The following EPG5 variants were observed in gnomAD, a reference collection of about 807,000 sequenced individuals.
The protein encoded by EPG5 is ectopic P-granules 5 autophagy tethering factor.
A neutral mutation model predicts 302.7 loss-of-function variants in EPG5; 159 were observed. The ratio of observed to expected loss-of-function variants is 0.53; its 90% CI spans 0.46 to 0.60. EPG5 has a LOEUF of 0.60. Ranked by LOEUF, EPG5 falls within the 20% of genes least tolerant of loss-of-function variation. The pLI is 0.00. For synonymous variants in EPG5, 1,158 were observed against 1,136.8 expected, an observed-to-expected ratio of 1.02 and a Z score of -0.37; for missense variants, 2,896 against 3,092.4, an observed-to-expected ratio of 0.94 and a Z score of 1.51.
the EPG5 span, among the ~76,000 whole-genome samples, chr18:45,805,348 G>T: frequency 1.3e-5 from 2 of 150,892 alleles, no homozygotes; most frequent in Non-Finnish European, 3.0e-5. Flanking sequence ...TGGGTGAGAG[G>T]TATACAGGAA....
In EPG5 at chr18:45,901,157, C is replaced by G. The variant is rs768286664; in HGVS notation, c.4485G>C (p.Arg1495Ser). The change falls in exon 26 of 44, where the codon AGG becomes AGC. Residue 1495 changes from arginine to serine, a missense_variant. Physicochemically the swap from Arg to Ser is moderately radical, Grantham distance 110. Transcript: ENST00000282041. ...DFTDPLLAKERVLSNLRKHEA... is the reference protein window; with the variant it reads ...DFTDPLLAKESVLSNLRKHEA... ...CATGCTTCCGCAAGTTACTTAAAAC[C>G]CTTTCTTTAGCTGAAAGAAAATTAA... 4 of 1,613,954 alleles carry G rather than the reference C, an allele frequency of 2.5e-6. No individual in the cohort carries two copies. Among genetic ancestry groups the G allele is most frequent in the Non-Finnish European group, 3.4e-6 (4 of 1,179,972 alleles).
At chr18:45,930,921 T>A in intron 11 of EPG5, 91 bp from the exon 12 acceptor site, 1 of 1,233,710 alleles carries the variant, frequency 8.1e-7, no homozygotes, top group Non-Finnish European at 1.1e-6. Context: ...TAGGAATATT[T>A]AAAGATACAA....
intron 41 of EPG5, 100 bp from the exon 42 acceptor site, chr18:45,858,168 A>T: frequency 1.2e-6 from 1 of 864,624 alleles, no homozygotes; most frequent in Non-Finnish European, 1.8e-6. Flanking sequence ...GGAGACATTC[A>T]GTACTTCAAA....
At chr18:45,941,560 A>G (rs981377916) in intron 9 of EPG5, among the ~76,000 whole-genome samples, 4 of 152,230 alleles carry the variant, frequency 2.6e-5, no homozygotes, top group Admixed American at 6.5e-5. Flanking sequence ...AGATGGAAAG[A>G]AAAACAAAGA....
At chr18:45,863,515 T>C (rs1164165795) in intron 39 of EPG5, among the ~76,000 whole-genome samples, 18 of 152,210 alleles carry the variant, frequency 1.2e-4, no homozygotes. Context: ...TAAACAGCAG[T>C]AGAACCTTAG....
At chr18:45,946,823 T>C (rs1174163674) in intron 6 of EPG5, 55 bp from the exon 7 acceptor site, 20 of 1,363,304 alleles carry the variant, frequency 1.5e-5, no homozygotes, top group East Asian at 1.4e-4. Flanking sequence ...CGTGAGTGCA[T>C]TGTGGATTCT....
At chr18:45,944,865 C>T (rs939605397) in intron 7 of EPG5, among the ~76,000 whole-genome samples, 4 of 152,158 alleles carry the variant, frequency 2.6e-5, no homozygotes, top group Admixed American at 1.3e-4. Context: ...AAGCAATTGA[C>T]ATTTGCTATA....
chr18:45,912,113 C>A (rs1441592029), intron 22 of EPG5, among the ~76,000 whole-genome samples, 177 bp downstream of exon 22: 1 of 151,780 alleles, frequency 6.6e-6, no homozygotes, highest in Non-Finnish European at 1.5e-5. Flanking sequence ...AAGACACCAG[C>A]AACTCAATAA....
intron 29 of EPG5, among the ~76,000 whole-genome samples, chr18:45,886,088 A>G (rs78908195): frequency 6.6e-6 from 1 of 152,368 alleles, no homozygotes; most frequent in African/African-American, 2.4e-5. Flanking sequence ...CAATGATAGC[A>G]TAAGTAGGTG....
At chr18:45,878,564 A>C (rs1388235495) in intron 33 of EPG5, 116 bp from the exon 34 acceptor site, 2 of 666,780 alleles carry the variant, frequency 3.0e-6, no homozygotes, top group African/African-American at 3.6e-5. Flanking sequence ...ACCTATGTTA[A>C]TGTATAAACA....
chr18:45,934,834 G>C lies in EPG5; in HGVS notation c.2232C>G (p.Pro744=). 6.2e-7 allele frequency: 1 copy of C among 1,613,936 alleles called. No homozygotes were observed. Among genetic ancestry groups the C allele is most frequent in the Non-Finnish European group, 8.5e-7 (1 of 1,179,932 alleles). ...CTTGGAGCTGCTGCTTGCACTGGGC[G>C]GGCTGCAGGGAGGAGGAGAGCTGCT... ...NLQQLSSSLQ[P]AQCKQQLQDP... The change falls in exon 11 of 44, where the codon CCC becomes CCG. Residue 744 remains proline (P), a synonymous_variant. Transcript: ENST00000282041.
chr18:45,875,703 C>T (rs2048953776), intron 35 of EPG5, among the ~76,000 whole-genome samples: 1 of 152,104 alleles, frequency 6.6e-6, no homozygotes, highest in African/African-American at 2.4e-5. Flanking sequence ...GAGAGAAAGA[C>T]TGCAAATTTA....
chr18:45,883,098 G>A (rs2049135865), intron 30 of EPG5, among the ~76,000 whole-genome samples: 1 of 151,618 alleles, frequency 6.6e-6, no homozygotes, highest in African/African-American at 2.4e-5. Flanking sequence ...CAGAGGCAGA[G>A]TTTTCTAAGC....
intron 28 of EPG5, among the ~76,000 whole-genome samples, chr18:45,889,529 C>T (rs1423671724): frequency 1.3e-5 from 2 of 152,118 alleles, no homozygotes; most frequent in East Asian, 1.9e-4. Flanking sequence ...ATATTTTCTG[C>T]TTTATATCTC....
chr18:45,914,419 G>A (rs2049981611), intron 20 of EPG5, among the ~76,000 whole-genome samples: 1 of 152,154 alleles, frequency 6.6e-6, no homozygotes, highest in African/African-American at 2.4e-5. Context: ...ACAAATAAGA[G>A]GTTGAAGAAC....
chr18:45,966,989 G>A (rs1173078534), intron 1 of EPG5, among the ~76,000 whole-genome samples, 188 bp downstream of exon 1: 2 of 152,128 alleles, frequency 1.3e-5, no homozygotes, highest in African/African-American at 2.4e-5. Context: ...GTGTGGCAGG[G>A]GGATATGGAG....
chr18:45,878,561 TTAATGTA>T lies in EPG5; in HGVS notation c.5870-120_5870-114del, dbSNP rs1159217602. Reference sequence around the variant, plus strand: ...TTATCTGTAGCTTCATAAACCTATGTTAATGTATAAACAACATGCTTAGTGTAACTAT... The same window carrying T: ...TTATCTGTAGCTTCATAAACCTATGTTAAACAACATGCTTAGTGTAACTAT... On this transcript the variant is annotated intron_variant, in intron 33 of 43. Coordinates refer to ENST00000282041, the MANE Select transcript of EPG5 (RefSeq NM_020964.3). 55 of 683,848 alleles carry T rather than the reference TTAATGTA, an allele frequency of 8.0e-5. No homozygotes were observed. The African/African-American group carries it at 8.8e-4, about 11-fold the overall frequency. The allele number at this position is 683,848 out of a possible 1,614,324, so 42.4% of individuals were successfully genotyped here. A position where few individuals can be genotyped will look rare whatever the true frequency, so the allele number is the denominator to read the frequency against.
Position 45,910,621 on chromosome 18 carries a change from C to T in EPG5, c.4105G>A (p.Ala1369Thr). The T allele has an allele frequency of 1.9e-6, 3 of 1,614,150 alleles. No individual in the cohort carries two copies. The highest frequency in any genetic ancestry group is 2.5e-6 in the Non-Finnish European group (3 of 1,180,018). ...VADFHHAASK[A>T]LRVPAEGSEG... is the part of the protein sequence containing the mutation. ...CTGCCCTCTGCTGGAACACGGAGGGCCTTGCTTGCAGCATGGTGGAAGTCA... is the reference window on the plus strand; with the variant it reads ...CTGCCCTCTGCTGGAACACGGAGGGTCTTGCTTGCAGCATGGTGGAAGTCA... The change falls in exon 23 of 44, where the codon GCC (alanine) becomes ACC (threonine). Residue 1369 changes from alanine (A) to threonine (T), a missense_variant. Physicochemically the swap from Ala to Thr is moderately conservative, Grantham distance 58. Coordinates refer to ENST00000282041, the MANE Select transcript of EPG5 (RefSeq NM_020964.3).
At chr18:45,866,663 G>T in intron 38 of EPG5, 135 bp downstream of exon 38, 1 of 702,694 alleles carries the variant, frequency 1.4e-6, no homozygotes, top group Non-Finnish European at 2.5e-6. Context: ...AAGGCCAAAA[G>T]ATGAGTATAT....
Sources: gnomAD v4.1 joint callset for allele counts (sites outside exome capture counted in the v4.1 genomes callset) on GRCh38, gnomAD v4.1.1 for gene constraint, MANE v1.5 for transcripts, NCBI Gene and HGNC (gene_info 2026-07-23, HGNC 2026-07-21) for gene names.